DOCK9: variants seen among roughly 807,000 people sequenced by gnomAD.
DOCK9 encodes the protein dedicator of cytokinesis protein 9.
DOCK9 carries 89 observed loss-of-function variants against 263.3 expected under a neutral mutation model. The ratio of observed to expected loss-of-function variants is 0.34; its 90% CI spans 0.28 to 0.40. The LOEUF (loss-of-function observed/expected upper bound fraction) is 0.40, where lower values mean the gene tolerates loss of function less well. Among genes scored for constraint, DOCK9 ranks in the 10% least tolerant of loss-of-function variants. The pLI is 1.00. For synonymous variants in DOCK9, 976 were observed against 973.1 expected, an observed-to-expected ratio of 1.00 and a Z score of -0.06; for missense variants, 2,140 against 2,603.4, an observed-to-expected ratio of 0.82 and a Z score of 3.87.
intron 1 of DOCK9, among the ~76,000 whole-genome samples, chr13:99,084,171 G>A (rs1278475244): frequency 6.6e-6 from 1 of 152,246 alleles, no homozygotes; most frequent in East Asian, 1.9e-4. Flanking sequence ...CTCCCTGGCA[G>A]ACACTGGAGC....
intron 1 of DOCK9, among the ~76,000 whole-genome samples, chr13:99,063,491 T>A (rs1245993561): frequency 6.6e-6 from 1 of 152,210 alleles, no homozygotes; most frequent in Non-Finnish European, 1.5e-5. Context: ...CAGGGCTCCC[T>A]TTGCCTCGGG....
chr13:99,053,954 T>A (rs1422011198), intron 1 of DOCK9, among the ~76,000 whole-genome samples: 1 of 152,102 alleles, frequency 6.6e-6, no homozygotes, highest in African/African-American at 2.4e-5. Flanking sequence ...TTAGTCTGAC[T>A]ACCACATCTC....
At chr13:99,078,338 C>A (rs567666218) in intron 1 of DOCK9, among the ~76,000 whole-genome samples, 2 of 152,186 alleles carry the variant, frequency 1.3e-5, no homozygotes, top group South Asian at 2.1e-4. Flanking sequence ...TTTAGGAATG[C>A]CCCTTTGTGG....
chr13:98,888,608 C>A, intron 16 of DOCK9, 24 bp downstream of exon 16: 1 of 1,612,686 alleles, frequency 6.2e-7, no homozygotes. Flanking sequence ...AAAATTCTGT[C>A]TATTATGTAG....
At chr13:98,820,441 G>T (rs2092196612) in intron 45 of DOCK9, among the ~76,000 whole-genome samples, 1 of 152,194 alleles carries the variant, frequency 6.6e-6, no homozygotes, top group African/African-American at 2.4e-5. Flanking sequence ...TCCCAAGAGA[G>T]GGTTCTTGGA....
chr13:98,818,653 T>A (rs1322580604), intron 45 of DOCK9, among the ~76,000 whole-genome samples: 1 of 151,754 alleles, frequency 6.6e-6, no homozygotes, highest in Non-Finnish European at 1.5e-5. Flanking sequence ...TGTCATAATA[T>A]TTAAGTCTAG....
At chr13:99,038,507 C>T (rs1051414317) in intron 1 of DOCK9, among the ~76,000 whole-genome samples, 4 of 151,814 alleles carry the variant, frequency 2.6e-5, no homozygotes, top group African/African-American at 7.2e-5. Flanking sequence ...GGTTTCATCA[C>T]GTTGGCCAGG....
Position 98,829,575 on chromosome 13 carries a change from T to C in DOCK9, c.4750-53A>G, listed in dbSNP as rs2092680169. The stretch of plus-strand genomic sequence containing the variant: ...CACATGGCTTCCTCTGTTTGCTGCC[T>C]GTCCACAAGCACCTCAGGTGCTGAT... On this transcript the variant is annotated intron_variant, in intron 42 of 52. Transcript: ENST00000682017. The surrounding 1 kb of genome is among the most constrained non-coding windows in gnomAD (Gnocchi z 4.1). 31 of 1,587,334 alleles carry C rather than the reference T, an allele frequency of 2.0e-5. No homozygotes were observed. Among genetic ancestry groups the C allele is most frequent in the Non-Finnish European group, 2.4e-5 (28 of 1,164,794 alleles).
At chr13:98,922,341 A>C (rs2140101667) in intron 5 of DOCK9, among the ~76,000 whole-genome samples, 195 bp from the exon 6 acceptor site, 1 of 152,280 alleles carries the variant, frequency 6.6e-6, no homozygotes, top group Non-Finnish European at 1.5e-5. Context: ...ACCCGCCTAC[A>C]TTTCTGAAAA....
At chr13:99,001,388 C>T (rs1486732675) in intron 1 of DOCK9, among the ~76,000 whole-genome samples, 3 of 152,234 alleles carry the variant, frequency 2.0e-5, no homozygotes, top group East Asian at 1.9e-4. Context: ...TGTTGACAAT[C>T]TAAATGGAGA....
intron 1 of DOCK9, among the ~76,000 whole-genome samples, chr13:99,027,173 C>T (rs1054105024): frequency 5.3e-5 from 8 of 152,138 alleles, no homozygotes; most frequent in African/African-American, 1.9e-4. Flanking sequence ...GTGCCCGCCA[C>T]CATGCCCAGC....
chr13:98,825,878 G>A lies in DOCK9; in HGVS notation c.5023+952C>T, dbSNP rs556673005. On this transcript the variant is annotated intron_variant, in intron 44 of 52. Transcript: ENST00000682017. The surrounding 1 kb of genome is among the most constrained non-coding windows in gnomAD (Gnocchi z 4.1). The stretch of plus-strand genomic sequence containing the variant: ...GGCTGATCCTCAGGCTCACCTCCCC[G>A]GCTCCTCCTCAGGCAGGCGCTATGG... 14 of 1,537,270 alleles carry A rather than the reference G, an allele frequency of 9.1e-6. No individual in the cohort carries two copies. The highest frequency in any genetic ancestry group is 3.8e-5 in the South Asian group (3 of 79,022).
chr13:98,860,800 C>T (rs1338994781), intron 32 of DOCK9, among the ~76,000 whole-genome samples: 2 of 152,168 alleles, frequency 1.3e-5, no homozygotes, highest in African/African-American at 4.8e-5. Flanking sequence ...TTGCTAACAC[C>T]TTTCCCTTTC....
intron 1 of DOCK9, among the ~76,000 whole-genome samples, chr13:98,963,512 T>A (rs1043348878): frequency 6.6e-6 from 1 of 152,210 alleles, no homozygotes; most frequent in African/African-American, 2.4e-5. Context: ...TGTGATAGCT[T>A]CAAATGAACT....
At chr13:99,011,813 ATTCT>A (rs1884536997) in intron 1 of DOCK9, among the ~76,000 whole-genome samples, 1 of 152,174 alleles carries the variant, frequency 6.6e-6, no homozygotes. Context: ...CAGTATCAGC[ATTCT>A]TTTTTTGTTT....
At chr13:99,004,131 C>T (rs953084961) in intron 1 of DOCK9, among the ~76,000 whole-genome samples, 1 of 152,200 alleles carries the variant, frequency 6.6e-6, no homozygotes, top group Non-Finnish European at 1.5e-5. Flanking sequence ...AATCCTTCTA[C>T]AAGGAGCCCT....
rs1341987849 is a variant in DOCK9 at position 98,827,027 on chromosome 13, T to C, written c.4966-140A>G. 1.5e-5 allele frequency: 9 copies of C among 585,494 alleles called. No individual in the cohort carries two copies. The Admixed American group carries it at 1.8e-4, about 12-fold the overall frequency. 36.3% of individuals were successfully genotyped at this position (585,494 alleles called of 1,614,324 possible). A position where few individuals can be genotyped will look rare whatever the true frequency, so the allele number is the denominator to read the frequency against. The stretch of plus-strand genomic sequence containing the variant: ...CAGCTAGTATTTCTAATAGCTGATA[T>C]CTTACCTTTTGAAGAGAGTGGAATC... On this transcript the variant is annotated intron_variant, in intron 43 of 52. Transcript: ENST00000682017.
At position 98,971,656 on chromosome 13, in the gene DOCK9, C is replaced by T. The variant is rs548704947; in HGVS notation, c.126+6128G>A. On this transcript the variant is annotated intron_variant, in intron 1 of 52. Transcript: ENST00000682017. Reference sequence around the variant, plus strand: ...CCGGAAGGCGGACCTTGCAGTGAACCGAGATCGCACCACTGCACTCCAGCC... The same window carrying T: ...CCGGAAGGCGGACCTTGCAGTGAACTGAGATCGCACCACTGCACTCCAGCC... Among the ~76,000 whole-genome samples, 67 of 152,162 alleles carry T rather than the reference C, an allele frequency of 4.4e-4. 1 individual carries two copies. The highest frequency in any genetic ancestry group is 5.2e-4 in the Admixed American group (8 of 15,286).
At chr13:98,877,244 G>T (rs1477750253) in intron 27 of DOCK9, among the ~76,000 whole-genome samples, 1 of 152,210 alleles carries the variant, frequency 6.6e-6, no homozygotes, top group African/African-American at 2.4e-5. Flanking sequence ...CCTCTGTGAG[G>T]TAAGGGAGGA....
Sources: gnomAD v4.1 joint callset for allele counts (sites outside exome capture counted in the v4.1 genomes callset) on GRCh38, gnomAD v4.1.1 for gene constraint, Gnocchi (gnomAD v3.1) non-coding constraint, MANE v1.5 for transcripts, NCBI Gene and HGNC (gene_info 2026-07-23, HGNC 2026-07-21) for gene names.